Variants in DLGAP2 observed in about 807,000 individuals in gnomAD.
DLGAP2 encodes the protein DLG associated protein 2.
DLGAP2 carries 26 observed loss-of-function variants against 100.3 expected under a neutral mutation model. The observed-to-expected ratio is 0.26, with a 90% CI of 0.19 to 0.36. DLGAP2 has a LOEUF of 0.36. DLGAP2 is among the 10% of genes least tolerant of loss of function. The pLI, the probability that DLGAP2 is intolerant of heterozygous loss-of-function variation, is 1.00. For synonymous variants in DLGAP2, 886 were observed against 630.1 expected (o/e 1.41, Z -6.08); for missense variants, 1,858 against 1,453.2 (o/e 1.28, Z -4.53).
At position 1,521,439 on chromosome 8, in the gene DLGAP2, G is replaced by A. The variant is rs71499009; in HGVS notation, c.172+20008G>A. Among the ~76,000 whole-genome samples, 51 of 21,622 alleles carry A rather than the reference G, an allele frequency of 2.4e-3. 8 individuals are homozygous for A. Among genetic ancestry groups the A allele is most frequent in the Middle Eastern group, 0.036 (1 of 28 alleles). The allele number at this position is 21,622 out of a possible 152,430, so 14.2% of individuals were successfully genotyped here. On this transcript the variant is annotated intron_variant, in intron 4 of 14. Transcript: ENST00000637795. ...ACACTTGTTTTAATTTGGAATACTC[G>A]GGCGGCAGGTGATATGGGGCATCTC...
intron 3 of DLGAP2, among the ~76,000 whole-genome samples, chr8:1,376,057 GGCCTCAGAACTGAGCCCCCACCTCCT>G (rs1802378680): frequency 9.6e-6 from 1 of 104,156 alleles, no homozygotes; most frequent in Non-Finnish European, 2.0e-5. Context: ...ACCTCTCCAC[GGCCTCAGAACTGAGCCCCCACCTCCT>G]ACATTTGGGT....
intron 8 of DLGAP2, among the ~76,000 whole-genome samples, chr8:1,657,016 T>C (rs940836224): frequency 6.6e-6 from 1 of 152,240 alleles, no homozygotes; most frequent in Non-Finnish European, 1.5e-5. Flanking sequence ...TCAGGGATTT[T>C]ATAGTGTTGT....
At chr8:1,580,902 T>A (rs1803215817) in intron 6 of DLGAP2, among the ~76,000 whole-genome samples, 1 of 139,478 alleles carries the variant, frequency 7.2e-6, no homozygotes, top group Non-Finnish European at 1.5e-5. Flanking sequence ...ACCCCACACA[T>A]CTATACACCA....
At chr8:1,023,855 A>ATGTG (rs1192338772) in intron 2 of DLGAP2, among the ~76,000 whole-genome samples, 4 of 59,272 alleles carry the variant, frequency 6.7e-5, no homozygotes, top group South Asian at 1.2e-3. Context: ...CAAACTTTAT[A>ATGTG]TATGTGTGTG....
chr8:1,636,484 TAAG>T (rs1314451300), intron 8 of DLGAP2, among the ~76,000 whole-genome samples: 25 of 152,342 alleles, frequency 1.6e-4, no homozygotes, highest in African/African-American at 5.8e-4. Flanking sequence ...ACCTTGAATA[TAAG>T]AGGTAGAATA....
chr8:908,120 A>C (rs145846904), intron 2 of DLGAP2, among the ~76,000 whole-genome samples, 154 bp downstream of exon 2: 1 of 152,204 alleles, frequency 6.6e-6, no homozygotes, highest in African/African-American at 2.4e-5. Context: ...GTAAGACCTG[A>C]AAGTAGGATA....
intron 1 of DLGAP2, among the ~76,000 whole-genome samples, chr8:789,343 C>T (rs540857340): frequency 5.1e-4 from 78 of 152,220 alleles, no homozygotes; most frequent in African/African-American, 1.7e-3. Context: ...CCCGCATGGC[C>T]GGAGCAGGAG....
intron 3 of DLGAP2, among the ~76,000 whole-genome samples, chr8:1,501,164 A>C (rs879617074): frequency 2.0e-5 from 3 of 152,224 alleles, no homozygotes; most frequent in African/African-American, 7.2e-5. Flanking sequence ...CTGTGGTCAC[A>C]ATGCTGCTTT....
chr8:1,473,048 A>T (rs1464649170), intron 3 of DLGAP2, among the ~76,000 whole-genome samples: 1 of 152,126 alleles, frequency 6.6e-6, no homozygotes, highest in Admixed American at 6.5e-5. Flanking sequence ...CTCCTGCCTC[A>T]GTCTCCCAGG....
At chr8:954,010 G>A (rs989148732) in intron 2 of DLGAP2, among the ~76,000 whole-genome samples, 1 of 152,166 alleles carries the variant, frequency 6.6e-6, no homozygotes, top group Non-Finnish European at 1.5e-5. Flanking sequence ...CTTCTTTGGA[G>A]ACACCAGCAA....
At chr8:1,389,067 G>A (rs149682921) in intron 3 of DLGAP2, among the ~76,000 whole-genome samples, 24 of 151,554 alleles carry the variant, frequency 1.6e-4, no homozygotes, top group Non-Finnish European at 2.5e-4. Context: ...AGCAGAGGCC[G>A]TGGATGAGGA....
chr8:1,411,550 T>C (rs960313360), intron 3 of DLGAP2, among the ~76,000 whole-genome samples: 1 of 152,166 alleles, frequency 6.6e-6, no homozygotes, highest in African/African-American at 2.4e-5. Context: ...CGGTAGAGCC[T>C]TGGGCAGATT....
chr8:1,414,460 A>C (rs1252377722), intron 3 of DLGAP2, among the ~76,000 whole-genome samples: 1 of 152,228 alleles, frequency 6.6e-6, no homozygotes, highest in East Asian at 1.9e-4. Context: ...GCATGGGGAC[A>C]TGAGGGACTG....
Position 1,701,238 on chromosome 8 carries a change from G to C in DLGAP2, c.3000G>C (p.Lys1000Asn), listed in dbSNP as rs757753970. The C allele has an allele frequency of 1.3e-6, 2 of 1,579,028 alleles. No homozygotes were observed. Among genetic ancestry groups the C allele is most frequent in the East Asian group, 2.3e-5 (1 of 42,556 alleles). Reference sequence around the variant, plus strand: ...TACCAAAGAAGCCTCCCAAGGGGAAGTTTCCCATCACAAGAGAAAAATCCC... The same window carrying C: ...TACCAAAGAAGCCTCCCAAGGGGAACTTTCCCATCACAAGAGAAAAATCCC... Reference protein sequence around the residue: ...PPIPKKPPKGKFPITREKSLD... With the variant: ...PPIPKKPPKGNFPITREKSLD... Residue 1000 changes from lysine to asparagine, a missense_variant, in exon 15 of 15, where the codon AAG becomes AAC. By Grantham distance (94) the Lys-to-Asn change is moderately conservative. Transcript: ENST00000637795.
chr8:1,268,977 C>T (rs1274064028), intron 3 of DLGAP2, among the ~76,000 whole-genome samples: 2 of 152,186 alleles, frequency 1.3e-5, no homozygotes, highest in African/African-American at 4.8e-5. Flanking sequence ...GCAGGTAGCT[C>T]AGCCGTAGTC....
intron 2 of DLGAP2, among the ~76,000 whole-genome samples, chr8:1,175,811 G>A (rs529381077): frequency 6.6e-6 from 1 of 152,306 alleles, no homozygotes; most frequent in East Asian, 1.9e-4. Context: ...ATTTGGGCAT[G>A]TAGTATAGAG....
intron 3 of DLGAP2, among the ~76,000 whole-genome samples, chr8:1,266,176 C>G (rs146514601): frequency 3.9e-5 from 6 of 152,228 alleles, no homozygotes; most frequent in African/African-American, 1.4e-4. Flanking sequence ...CCAACAGGGA[C>G]GCTGTCTACT....
chr8:776,093 T>C (rs1188734825), intron 1 of DLGAP2, among the ~76,000 whole-genome samples: 1 of 151,502 alleles, frequency 6.6e-6, no homozygotes, highest in African/African-American at 2.4e-5. Flanking sequence ...GTGTATGTGT[T>C]GAGGAATTTA....
intron 2 of DLGAP2, among the ~76,000 whole-genome samples, chr8:1,119,892 T>C (rs62486825): frequency 0.024 from 3,686 of 152,274 alleles, 55 homozygotes; most frequent in Middle Eastern, 0.044. Flanking sequence ...TATTCTGCTT[T>C]AGGGACTTCT....
Sources: allele counts gnomAD v4.1 joint callset (sites outside exome capture counted in the v4.1 genomes callset), GRCh38; gene constraint gnomAD v4.1.1; transcripts MANE v1.5; gene names NCBI Gene and HGNC (gene_info 2026-07-23, HGNC 2026-07-21).